PTPRM: variants seen among roughly 807,000 people sequenced by gnomAD.
PTPRM encodes the protein protein tyrosine phosphatase receptor type M.
Under a neutral mutation model 186.7 loss-of-function variants are expected in PTPRM, and 47 were observed. That is an observed-to-expected ratio of 0.25 (90% CI 0.20 to 0.32). The LOEUF is 0.32. PTPRM is among the 10% of genes least tolerant of loss of function. PTPRM has a pLI of 1.00. For missense variants in PTPRM, 1,494 were observed against 1,865.0 expected (o/e 0.80, Z 3.66); for synonymous variants, 668 against 674.9 (o/e 0.99, Z 0.16).
At chr18:7,612,230 A>C (rs2037693165) in intron 1 of PTPRM, among the ~76,000 whole-genome samples, 2 of 152,042 alleles carry the variant, frequency 1.3e-5, no homozygotes, top group African/African-American at 4.8e-5. Flanking sequence ...ATCTACTGTT[A>C]TGCTACAGTT....
At chr18:8,202,437 G>A (rs2093870525) in intron 14 of PTPRM, among the ~76,000 whole-genome samples, 1 of 152,176 alleles carries the variant, frequency 6.6e-6, no homozygotes, top group African/African-American at 2.4e-5. Flanking sequence ...CCAGAGGACT[G>A]AAAAACAGTC....
chr18:8,280,942 A>C (rs1439416615), intron 19 of PTPRM, among the ~76,000 whole-genome samples: 2 of 152,258 alleles, frequency 1.3e-5, no homozygotes, highest in Non-Finnish European at 2.9e-5. Context: ...CTCACATATT[A>C]GAGATGTGAA....
At chr18:8,343,544 T>C (rs371671544) in intron 23 of PTPRM, 24 bp downstream of exon 23, 5 of 1,605,780 alleles carry the variant, frequency 3.1e-6, no homozygotes, top group Non-Finnish European at 4.3e-6. Context: ...CTGCTGCAAA[T>C]GGCCATTTTG....
At chr18:8,231,317 T>A (rs560705673) in intron 14 of PTPRM, among the ~76,000 whole-genome samples, 40 of 152,222 alleles carry the variant, frequency 2.6e-4, no homozygotes, top group Middle Eastern at 6.8e-3. Flanking sequence ...CTGATACCCA[T>A]GGCAGACGGG....
At chr18:7,949,381 A>G in intron 6 of PTPRM, 26 bp downstream of exon 6, 1 of 1,571,992 alleles carries the variant, frequency 6.4e-7, no homozygotes, top group Non-Finnish European at 8.7e-7. Flanking sequence ...TTATACCAGA[A>G]TATTCTTCTA....
intron 7 of PTPRM, among the ~76,000 whole-genome samples, chr18:8,031,135 C>T (rs1257436299): frequency 6.6e-6 from 1 of 152,126 alleles, no homozygotes; most frequent in Middle Eastern, 3.2e-3. Flanking sequence ...GTGTAAGTTT[C>T]GTGTTGTATA....
chr18:8,179,617 G>A (rs1208026950), intron 14 of PTPRM, among the ~76,000 whole-genome samples: 1 of 151,982 alleles, frequency 6.6e-6, no homozygotes, highest in South Asian at 2.1e-4. Context: ...CTACAGGCAT[G>A]AGCCACCACA....
chr18:7,884,945 AAAAAAAG>A (rs1416612218), intron 2 of PTPRM, among the ~76,000 whole-genome samples: 3 of 150,368 alleles, frequency 2.0e-5, no homozygotes, highest in Admixed American at 6.6e-5. Context: ...AAAAAAAAAA[AAAAAAAG>A]GAGAGAGAGA....
rs544005044 is a variant in PTPRM, at chr18:8,309,490, A to C, written c.2843-5291A>C. Among the ~76,000 whole-genome samples the C allele has an allele frequency of 1.4e-4, 22 of 152,286 alleles. No individual in the cohort carries two copies. In the South Asian group the frequency reaches 1.7e-3, roughly 11 times the overall value. ...AGTGTGCACACAGGAGGTGAAGATG[A>C]ATATAAGACACAGCTCCTCTTAAAT... On this transcript the variant is annotated intron_variant, in intron 20 of 32. Coordinates refer to ENST00000580170, the MANE Select transcript of PTPRM (RefSeq NM_001105244.2).
intron 2 of PTPRM, among the ~76,000 whole-genome samples, chr18:7,781,818 G>A (rs1224228985): frequency 6.6e-6 from 1 of 151,800 alleles, no homozygotes; most frequent in Non-Finnish European, 1.5e-5. Context: ...TTTTTTAGTT[G>A]ATTCTGAATA....
intron 2 of PTPRM, among the ~76,000 whole-genome samples, chr18:7,852,310 C>T (rs1365156627): frequency 6.6e-6 from 1 of 152,124 alleles, no homozygotes; most frequent in African/African-American, 2.4e-5. Context: ...GGCATGGTAG[C>T]TCATACTTGT....
At chr18:7,860,774 CCATATTTG>C (rs1352366309) in intron 2 of PTPRM, among the ~76,000 whole-genome samples, 1 of 152,132 alleles carries the variant, frequency 6.6e-6, no homozygotes, top group Non-Finnish European at 1.5e-5. Flanking sequence ...ATGATTTGCA[CCATATTTG>C]CATGGGGATT....
At chr18:7,709,463 G>A (rs1170721817) in intron 1 of PTPRM, among the ~76,000 whole-genome samples, 1 of 151,984 alleles carries the variant, frequency 6.6e-6, no homozygotes, top group Non-Finnish European at 1.5e-5. Flanking sequence ...GTCTGAAAGA[G>A]CACAAATAGA....
intron 21 of PTPRM, among the ~76,000 whole-genome samples, chr18:8,318,285 CTTTTTTTTTTTT>C (rs140026832): frequency 3.3e-5 from 2 of 59,906 alleles, no homozygotes; most frequent in Non-Finnish European, 5.5e-5. Flanking sequence ...TTGTTTCCTT[CTTTTTTTTTTTT>C]TTTTTTTTTT....
In PTPRM at chr18:7,942,934, A is replaced by G. The variant is rs147573623; in HGVS notation, c.664-6247A>G. ...ATAGAGAGCCTGATGTTGCTCTTGC[A>G]CCTGACACATTTTTTGCTTTAAGAA... On this transcript the variant is annotated intron_variant, in intron 5 of 32. Transcript: ENST00000580170. 4.8e-3 allele frequency among the ~76,000 whole-genome samples: 733 copies of G among 152,166 alleles called. 6 individuals carry two copies. Among genetic ancestry groups the G allele is most frequent in the African/African-American group, 0.017 (696 of 41,510 alleles).
intron 14 of PTPRM, among the ~76,000 whole-genome samples, chr18:8,241,192 G>T (rs2094431531): frequency 6.6e-6 from 1 of 152,108 alleles, no homozygotes. Flanking sequence ...AAAAAAATTA[G>T]CTGGGTGTGG....
intron 5 of PTPRM, among the ~76,000 whole-genome samples, chr18:7,937,976 G>A (rs2051931580): frequency 6.6e-6 from 1 of 152,068 alleles, no homozygotes; most frequent in South Asian, 2.1e-4. Flanking sequence ...CATATTCTAG[G>A]TGTATATTTT....
chr18:7,837,914 T>C (rs992027567), intron 2 of PTPRM, among the ~76,000 whole-genome samples: 1 of 152,202 alleles, frequency 6.6e-6, no homozygotes, highest in Non-Finnish European at 1.5e-5. Flanking sequence ...CTTCTCAGTC[T>C]GGGCTTGTTT....
chr18:8,200,591 G>A (rs1469921615), intron 14 of PTPRM, among the ~76,000 whole-genome samples: 1 of 152,230 alleles, frequency 6.6e-6, no homozygotes, highest in African/African-American at 2.4e-5. Flanking sequence ...GGCCTGTGCC[G>A]TGACCCACGC....
Sources: gnomAD v4.1 joint callset for allele counts (sites outside exome capture counted in the v4.1 genomes callset) on GRCh38, gnomAD v4.1.1 for gene constraint, MANE v1.5 for transcripts, NCBI Gene and HGNC (gene_info 2026-07-23, HGNC 2026-07-21) for gene names.